The following PPP2R2B variants were observed in gnomAD, a reference collection of about 807,000 sequenced individuals.
PPP2R2B encodes serine/threonine-protein phosphatase 2A 55 kDa regulatory subunit B beta isoform.
Under a neutral mutation model 46.0 loss-of-function variants are expected in PPP2R2B, and 5 were observed. The observed-to-expected ratio is 0.11, with a 90% confidence interval of 0.06 to 0.23. The LOEUF (loss-of-function observed/expected upper bound fraction) is 0.23, where lower values mean the gene tolerates loss of function less well. PPP2R2B is among the 10% of genes least tolerant of loss of function. The pLI is 1.00. For synonymous variants in PPP2R2B, 215 were observed against 206.7 expected (o/e 1.04, Z -0.34); for missense variants, 367 against 575.0 (o/e 0.64, Z 3.70).
chr5:147,026,032 G>A (rs1212702044), intron 1 of PPP2R2B, among the ~76,000 whole-genome samples: 2 of 152,068 alleles, frequency 1.3e-5, no homozygotes, highest in African/African-American at 2.4e-5. Context: ...TTGCTGGTGA[G>A]AATGTAAAAT....
chr5:146,880,469 T>C (rs139039936), upstream of PPP2R2B, among the ~76,000 whole-genome samples: 31 of 152,300 alleles, frequency 2.0e-4, no homozygotes, highest in East Asian at 5.2e-3. Flanking sequence ...CAGCTTCTCT[T>C]GGATATTGGC....
chr5:146,592,097 G>A (rs1180610326), intron 9 of PPP2R2B: 2 of 438,290 alleles, frequency 4.6e-6, no homozygotes, highest in Non-Finnish European at 9.1e-6. Flanking sequence ...TTCCCATGGT[G>A]GATTTTGTTC....
intron 4 of PPP2R2B, among the ~76,000 whole-genome samples, chr5:146,694,339 C>A (rs1411862985): frequency 3.3e-5 from 5 of 152,142 alleles, no homozygotes; most frequent in Admixed American, 2.0e-4. Context: ...TGAACATGGG[C>A]CATATTTATA....
chr5:146,837,415 CT>C (rs887889087), intron 2 of PPP2R2B, among the ~76,000 whole-genome samples: 12 of 152,028 alleles, frequency 7.9e-5, no homozygotes, highest in African/African-American at 2.9e-4. Context: ...GGATACAAAC[CT>C]GTGGTAAGTT....
intron 7 of PPP2R2B, among the ~76,000 whole-genome samples, chr5:146,626,642 TG>T (rs1774084571): frequency 6.6e-6 from 1 of 152,110 alleles, no homozygotes; most frequent in Non-Finnish European, 1.5e-5. Context: ...AGTGATAGCT[TG>T]TTACAGGGCA....
At chr5:146,811,557 ATTTTTT>A (rs1178978309) in intron 2 of PPP2R2B, among the ~76,000 whole-genome samples, 2 of 95,724 alleles carry the variant, frequency 2.1e-5, no homozygotes, top group South Asian at 3.5e-4. Context: ...TCAACTATGT[ATTTTTT>A]TTTTTTTTTT....
chr5:146,717,835 C>T (rs977202241), intron 2 of PPP2R2B, among the ~76,000 whole-genome samples: 1 of 152,120 alleles, frequency 6.6e-6, no homozygotes, highest in Non-Finnish European at 1.5e-5. Context: ...CATGCTTTGC[C>T]TAAACTAGTC....
At chr5:146,750,135 T>C (rs912907456) in intron 2 of PPP2R2B, among the ~76,000 whole-genome samples, 12 of 152,230 alleles carry the variant, frequency 7.9e-5, no homozygotes, top group African/African-American at 2.4e-4. Flanking sequence ...TTGGATTCTT[T>C]ATTCTGTTCA....
chr5:146,904,723 GA>G, intron 1 of PPP2R2B, among the ~76,000 whole-genome samples: 1 of 152,180 alleles, frequency 6.6e-6, no homozygotes, highest in East Asian at 1.9e-4. Flanking sequence ...GAGAAAAGCA[GA>G]AACAGTTAAG....
At chr5:146,730,859 A>T (rs1471243827) in intron 2 of PPP2R2B, among the ~76,000 whole-genome samples, 1 of 152,178 alleles carries the variant, frequency 6.6e-6, no homozygotes, top group Non-Finnish European at 1.5e-5. Flanking sequence ...TTATATCATT[A>T]AAAAGAGAGG....
intron 1 of PPP2R2B, among the ~76,000 whole-genome samples, chr5:146,892,261 TCTTAA>T (rs759634751): frequency 2.1e-4 from 32 of 152,184 alleles, no homozygotes; most frequent in Non-Finnish European, 4.3e-4. Flanking sequence ...GAGCAAATTC[TCTTAA>T]CTTTTCTCAT....
At chr5:146,866,965 G>A (rs1333520898) in intron 2 of PPP2R2B, among the ~76,000 whole-genome samples, 2 of 152,146 alleles carry the variant, frequency 1.3e-5, no homozygotes, top group African/African-American at 4.8e-5. Flanking sequence ...GCAAACTTCT[G>A]CTCCTTCAGG....
chr5:146,890,550 T>G (rs1322193314), intron 1 of PPP2R2B, among the ~76,000 whole-genome samples: 2 of 152,232 alleles, frequency 1.3e-5, no homozygotes, highest in Non-Finnish European at 2.9e-5. Flanking sequence ...GTTGTCAATC[T>G]GGCCATTACT....
intron 2 of PPP2R2B, among the ~76,000 whole-genome samples, chr5:146,745,388 TAAA>T (rs139116206): frequency 0.041 from 6,222 of 152,272 alleles, 125 homozygotes; most frequent in Non-Finnish European, 0.048. Context: ...AAATGGGATC[TAAA>T]GAAGATCTGA....
chr5:146,818,814 T>C (rs1758087758), intron 2 of PPP2R2B, among the ~76,000 whole-genome samples: 1 of 152,174 alleles, frequency 6.6e-6, no homozygotes, highest in Non-Finnish European at 1.5e-5. Flanking sequence ...TCTATCTTCT[T>C]CCATGAATTC....
upstream of PPP2R2B, chr5:147,081,506 T>C: frequency 1.7e-6 from 1 of 584,840 alleles, no homozygotes; most frequent in South Asian, 2.2e-5. Context: ...CTTTTGATTG[T>C]TTTCCTTCTG....
chr5:146,789,607 G>C (rs1051665281), intron 2 of PPP2R2B, among the ~76,000 whole-genome samples: 1 of 152,046 alleles, frequency 6.6e-6, no homozygotes, highest in Non-Finnish European at 1.5e-5. Context: ...TGGCAAACGA[G>C]ACAGTCACGG....
intron 2 of PPP2R2B, among the ~76,000 whole-genome samples, chr5:146,837,155 G>A (rs555355647): frequency 2.9e-4 from 44 of 152,304 alleles, no homozygotes; most frequent in African/African-American, 1.0e-3. Context: ...AGTAGAAAAT[G>A]TACTTCGAGT....
At chr5:146,848,076 G>A (rs1293486378) in intron 2 of PPP2R2B, among the ~76,000 whole-genome samples, 1 of 152,134 alleles carries the variant, frequency 6.6e-6, no homozygotes, top group African/African-American at 2.4e-5. Flanking sequence ...CATTTTACCT[G>A]CGTTACAGTC....
Sources: gnomAD v4.1 joint callset for allele counts (sites outside exome capture counted in the v4.1 genomes callset) on GRCh38, gnomAD v4.1.1 for gene constraint, MANE v1.5 for transcripts, NCBI Gene and HGNC (gene_info 2026-07-23, HGNC 2026-07-21) for gene names.